The following POLR3A variants were observed in gnomAD, a reference collection of about 807,000 sequenced individuals.
POLR3A encodes the protein DNA-directed RNA polymerase III subunit RPC1.
In POLR3A, 112 loss-of-function variants were observed where a neutral mutation model predicts 152.8. The observed-to-expected ratio is 0.73, with a 90% CI of 0.63 to 0.86. The LOEUF is 0.86. POLR3A is among the 40% of genes least tolerant of loss of function. POLR3A has a pLI of 0.00. For missense variants in POLR3A, 1,385 were observed against 1,743.1 expected, an observed-to-expected ratio of 0.79 and a Z score of 3.66; for synonymous variants, 615 against 652.1, an observed-to-expected ratio of 0.94 and a Z score of 0.87.
intron 11 of POLR3A, among the ~76,000 whole-genome samples, chr10:78,012,017 G>A (rs377386344): frequency 2.0e-5 from 3 of 152,286 alleles, no homozygotes; most frequent in African/African-American, 7.2e-5. Context: ...ATTATTTCAA[G>A]CAGCATTCTA....
chr10:77,983,602 G>A (rs78837636), intron 26 of POLR3A, among the ~76,000 whole-genome samples: 4,893 of 152,248 alleles, frequency 0.032, 299 homozygotes, highest in African/African-American at 0.11. Context: ...GTAAGACACA[G>A]CCAGCCCTAG....
intron 1 of POLR3A, among the ~76,000 whole-genome samples, chr10:78,027,128 C>T (rs1026560968): frequency 2.6e-5 from 4 of 152,190 alleles, no homozygotes; most frequent in African/African-American, 9.7e-5. Context: ...AATTACTTTA[C>T]GTTGCATGGT....
intron 12 of POLR3A, 87 bp from the exon 13 acceptor site, chr10:78,010,078 C>T: frequency 2.0e-6 from 3 of 1,524,152 alleles, no homozygotes; most frequent in Non-Finnish European, 2.7e-6. Flanking sequence ...TAAATTTGAA[C>T]CATGACCAAC....
chr10:78,026,145 G>A lies in POLR3A; in HGVS notation c.129C>T (p.Ser43=). 3.1e-6 allele frequency: 5 copies of A among 1,614,212 alleles called. No individual in the cohort carries two copies. The highest frequency in any genetic ancestry group is 4.2e-6 in the Non-Finnish European group (5 of 1,180,032). ...GCAAGGGGGCATGTTGGTTGTCCTG[G>A]CTGTACAGGTTCTTACTCACAACTT... ...HIQVVSKNLY[S]QDNQHAPLLY... The change falls in exon 2 of 31, where the codon AGC becomes AGT. Residue 43 remains serine (S), a synonymous_variant. Coordinates refer to ENST00000372371, the MANE Select transcript of POLR3A (RefSeq NM_007055.4).
chr10:78,011,483 T>C (rs1440903655), intron 11 of POLR3A, among the ~76,000 whole-genome samples: 2 of 152,142 alleles, frequency 1.3e-5, no homozygotes, highest in Non-Finnish European at 2.9e-5. Flanking sequence ...TCTGGGCCTT[T>C]TCACCCAGAA....
rs200663916 is a variant in POLR3A, at chr10:78,000,038, G to A, written c.2559C>T (p.Ala853=). 2.2e-5 allele frequency: 35 copies of A among 1,613,992 alleles called. No homozygotes were observed. The highest frequency in any genetic ancestry group is 6.7e-5 in the African/African-American group (5 of 75,008). The change falls in exon 19 of 31, where the codon GCC becomes GCT. Residue 853 remains alanine (A), a synonymous_variant. Transcript: ENST00000372371. ...CCGTGTCGACTAGACCTTCCCGGCC[G>A]GCCATTGTGTGGAAGAAAAACTCAG... is the stretch of plus-strand genomic sequence containing the variant. ...TPTEFFFHTM[A]GREGLVDTAV...
chr10:77,981,723 G>A lies in POLR3A; in HGVS notation c.3760-164C>T, dbSNP rs112500871. 0.03 allele frequency among the ~76,000 whole-genome samples: 4,625 copies of A among 152,010 alleles called. 227 individuals carry two copies. Among genetic ancestry groups the A allele is most frequent in the African/African-American group, 0.1 (4,235 of 41,432 alleles). ...TTGCAGACCCACGGCAAATGGGATGGTCAGAGAAGTATGCTGGGAGGCCGG... is the reference window on the plus strand; with the variant it reads ...TTGCAGACCCACGGCAAATGGGATGATCAGAGAAGTATGCTGGGAGGCCGG... On this transcript the variant is annotated intron_variant, in intron 28 of 30. Coordinates refer to ENST00000372371, the MANE Select transcript of POLR3A (RefSeq NM_007055.4).
Position 77,977,096 on chromosome 10 carries a change from G to A in POLR3A, c.*382C>T. The stretch of plus-strand genomic sequence containing the variant: ...CTGGCCTGTGTGGGGCTCAGGCCTG[G>A]CTCATCGTCAGGTGTGAAGACACCA... On this transcript the variant is annotated 3_prime_UTR_variant, in exon 31 of 31. Transcript: ENST00000372371. 3.6e-6 allele frequency: 1 copy of A among 280,058 alleles called. No individual in the cohort carries two copies. The highest frequency in any genetic ancestry group is 4.4e-5 in the South Asian group (1 of 22,942). The allele number at this position is 280,058 out of a possible 1,614,324, so 17.3% of individuals were successfully genotyped here.
In POLR3A at chr10:78,021,841, C is replaced by T. The variant is rs1847582560; in HGVS notation, c.1048+19G>A. On this transcript the variant is annotated intron_variant, in intron 7 of 30. Coordinates refer to ENST00000372371, the MANE Select transcript of POLR3A (RefSeq NM_007055.4). Reference sequence around the variant, plus strand: ...CAAAGAGAGTGGGCTGGCTTCTGCACATCTTGTGGGAAACCTACCCTGTTT... The same window carrying T: ...CAAAGAGAGTGGGCTGGCTTCTGCATATCTTGTGGGAAACCTACCCTGTTT... 2 of 1,613,130 alleles carry T rather than the reference C, an allele frequency of 1.2e-6. No individual in the cohort carries two copies. The highest frequency in any genetic ancestry group is 1.7e-6 in the Non-Finnish European group (2 of 1,180,020).
chr10:78,002,523 C>G (rs1383964760), intron 16 of POLR3A, among the ~76,000 whole-genome samples: 9 of 152,092 alleles, frequency 5.9e-5, no homozygotes, highest in Non-Finnish European at 1.3e-4. Flanking sequence ...ATAAGGCAAA[C>G]AGTTTATCTT....
chr10:78,013,531 G>T (rs533625446), intron 11 of POLR3A, 119 bp downstream of exon 11: 11 of 1,043,188 alleles, frequency 1.1e-5, no homozygotes, highest in Admixed American at 5.1e-5. Context: ...GTCGGTTTAA[G>T]AACAGAAAGA....
intron 30 of POLR3A, among the ~76,000 whole-genome samples, chr10:77,979,000 A>G (rs112341279): frequency 0.014 from 2,153 of 149,692 alleles, 50 homozygotes; most frequent in African/African-American, 0.05. Flanking sequence ...TTAAATAGAC[A>G]CGAGTTCTCA....
At position 77,986,134 on chromosome 10, in the gene POLR3A, AC is replaced by A; in HGVS notation, c.2926del (p.Val976SerfsTer36). 1 of 1,580,024 alleles carries A rather than the reference AC, an allele frequency of 6.3e-7. No individual in the cohort carries two copies. The highest frequency in any genetic ancestry group is 8.7e-7 in the Non-Finnish European group (1 of 1,149,326). ...TCTGGTTTTCTTGATCTTCTCAGAG[AC>A]CCCCTTAATGAATTTTTTTATTTCC... ...LQEIKKFIKGVSEKIKKTRDK... is the reference protein window; with the variant it reads ...LQEIKKFIKGXSEKIKKTRDK... On this transcript the variant is annotated frameshift_variant, in exon 22 of 31. Transcript: ENST00000372371. LOFTEE classifies it high-confidence loss of function.
intron 26 of POLR3A, 55 bp downstream of exon 26, chr10:77,983,865 C>T (rs141348774): frequency 1.4e-5 from 15 of 1,073,168 alleles, no homozygotes; most frequent in African/African-American, 3.1e-5. Context: ...TTTATCAGTA[C>T]CTATCTTGGG....
chr10:78,025,345 T>C (rs1305085501), intron 3 of POLR3A, among the ~76,000 whole-genome samples: 1 of 152,216 alleles, frequency 6.6e-6, no homozygotes, highest in Non-Finnish European at 1.5e-5. Context: ...GCAGACTTTG[T>C]TACCTTTATC....
At chr10:78,024,486 T>C in intron 5 of POLR3A, 63 bp downstream of exon 5, 4 of 1,559,040 alleles carry the variant, frequency 2.6e-6, no homozygotes, top group Non-Finnish European at 3.5e-6. Context: ...AGAGTGTGCA[T>C]GTGACGTGCG....
chr10:77,996,640 TA>T (rs1233781833), intron 19 of POLR3A, among the ~76,000 whole-genome samples: 1 of 151,048 alleles, frequency 6.6e-6, no homozygotes, highest in Non-Finnish European at 1.5e-5. Flanking sequence ...AATAGACCAA[TA>T]ACAGGAGCTG....
At position 78,024,624 on chromosome 10, in the gene POLR3A, T is replaced by C. The variant is rs760011920; in HGVS notation, c.570A>G (p.Val190=). The change falls in exon 5 of 31, where the codon GTA becomes GTG. Residue 190 remains valine, a synonymous_variant. Coordinates refer to ENST00000372371, the MANE Select transcript of POLR3A (RefSeq NM_007055.4). ...TTTCAAAAGACTGAAGGAAATTTGATACAATGGGATCCACCACTTTTTTGT... is the reference window on the plus strand; with the variant it reads ...TTTCAAAAGACTGAAGGAAATTTGACACAATGGGATCCACCACTTTTTTGT... ...KTNKKVVDPI[V]SNFLQSFETA... is the part of the protein sequence containing the mutation. 1.2e-6 allele frequency: 2 copies of C among 1,613,722 alleles called. No individual in the cohort carries two copies. Among genetic ancestry groups the C allele is most frequent in the African/African-American group, 2.7e-5 (2 of 74,928 alleles).
chr10:78,013,936 T>C, intron 10 of POLR3A, 146 bp from the exon 11 acceptor site: 2 of 929,696 alleles, frequency 2.2e-6, no homozygotes, highest in Non-Finnish European at 3.3e-6. Context: ...TGTCAAGTGA[T>C]ATATATCATT....
Sources: allele counts gnomAD v4.1 joint callset (sites outside exome capture counted in the v4.1 genomes callset), GRCh38; gene constraint gnomAD v4.1.1; transcripts MANE v1.5; gene names NCBI Gene and HGNC (gene_info 2026-07-23, HGNC 2026-07-21).